The following SMARCA5 variants were observed in gnomAD, a reference collection of about 807,000 sequenced individuals.
The protein encoded by SMARCA5 is SNF2 related chromatin remodeling ATPase 5.
Under a neutral mutation model 140.4 loss-of-function variants are expected in SMARCA5, and 18 were observed. The ratio of observed to expected loss-of-function variants is 0.13; its 90% CI spans 0.09 to 0.19. The LOEUF is 0.19. Among genes scored for constraint, SMARCA5 ranks in the 10% least tolerant of loss-of-function variants. SMARCA5 has a pLI of 1.00. For missense variants in SMARCA5, 606 were observed against 1,276.8 expected, an observed-to-expected ratio of 0.47 and a Z score of 8.01; for synonymous variants, 449 against 419.6, an observed-to-expected ratio of 1.07 and a Z score of -0.86.
At chr4:143,521,681 C>T (rs899561773) in intron 3 of SMARCA5, 86 bp downstream of exon 3, 12 of 1,193,308 alleles carry the variant, frequency 1.0e-5, no homozygotes, top group African/African-American at 1.6e-5. Context: ...TGATAAATAA[C>T]TTAAAATTAT....
At chr4:143,523,799 A>C (rs1269763024) in intron 3 of SMARCA5, among the ~76,000 whole-genome samples, 1 of 152,250 alleles carries the variant, frequency 6.6e-6, no homozygotes, top group Non-Finnish European at 1.5e-5. Flanking sequence ...AGTAAGTATT[A>C]ATAGTTTTAC....
Position 143,513,815 on chromosome 4 carries a change from T to G in SMARCA5, c.-110T>G. The G allele has an allele frequency of 1.6e-6, 2 of 1,274,514 alleles. No individual in the cohort carries two copies. Among genetic ancestry groups the G allele is most frequent in the Non-Finnish European group, 2.1e-6 (2 of 940,554 alleles). 79.0% of individuals were successfully genotyped at this position (1,274,514 alleles called of 1,614,324 possible). A position where few individuals can be genotyped will look rare whatever the true frequency, so the allele number is the denominator to read the frequency against. The stretch of plus-strand genomic sequence containing the variant: ...GCGCAGGGGAGCGCTCGGGTGGGAG[T>G]CTCGCTCCTCCACCAGTTTATTGCG... On this transcript the variant is annotated 5_prime_UTR_variant, in exon 1 of 24. Coordinates refer to ENST00000283131, the MANE Select transcript of SMARCA5 (RefSeq NM_003601.4).
At chr4:143,529,025 C>T (rs1737129370) in intron 8 of SMARCA5, among the ~76,000 whole-genome samples, 1 of 152,126 alleles carries the variant, frequency 6.6e-6, no homozygotes, top group African/African-American at 2.4e-5. Flanking sequence ...GCCTCCACCT[C>T]CGGAATTCAG....
chr4:143,544,097 T>C (rs1036871602), intron 16 of SMARCA5, 125 bp downstream of exon 16: 6 of 551,536 alleles, frequency 1.1e-5, no homozygotes, highest in Non-Finnish European at 1.8e-5. Flanking sequence ...TATTCACATC[T>C]GAATATTTTC....
In SMARCA5 at chr4:143,545,365, G is replaced by C. The variant is rs1378108551; in HGVS notation, c.2284-105G>C. 3.0e-5 allele frequency: 21 copies of C among 710,614 alleles called. No homozygotes were observed. In the East Asian group the frequency reaches 5.2e-4, roughly 18 times the overall value. The allele number at this position is 710,614 out of a possible 1,614,324, so 44.0% of individuals were successfully genotyped here. A position where few individuals can be genotyped will look rare whatever the true frequency, so the allele number is the denominator to read the frequency against. On this transcript the variant is annotated intron_variant, in intron 17 of 23. Transcript: ENST00000283131. The stretch of plus-strand genomic sequence containing the variant: ...TCAGTTTTATTGAAAGATGCATTCA[G>C]TTGCTTGCAGAATTGGCTGTTGTGG...
intron 13 of SMARCA5, 109 bp from the exon 14 acceptor site, chr4:143,540,253 TA>T: frequency 1.2e-6 from 1 of 823,128 alleles, no homozygotes; most frequent in Non-Finnish European, 1.8e-6. Context: ...TACAAATTTT[TA>T]AAAGTTTTAT....
intron 11 of SMARCA5, 119 bp downstream of exon 11, chr4:143,536,797 T>TA (rs1473351923): frequency 1.4e-6 from 1 of 695,430 alleles, no homozygotes; most frequent in South Asian, 1.8e-5. Flanking sequence ...TGTAGAACAT[T>TA]AAAAAAACCT....
rs753957395 is a variant in SMARCA5, at chr4:143,514,196, C to T, written c.177+95C>T. 893 of 1,177,622 alleles carry T rather than the reference C, an allele frequency of 7.6e-4. 2 individuals are homozygous for T. The highest frequency in any genetic ancestry group is 9.6e-4 in the Non-Finnish European group (831 of 864,282). 72.9% of individuals were successfully genotyped at this position (1,177,622 alleles called of 1,614,324 possible). ...GGCGATCGGACGCAGAGCCGGGTTT[C>T]TCTCTCTGCACCAGACTCAGCTTCA... On this transcript the variant is annotated intron_variant, in intron 1 of 23. Coordinates refer to ENST00000283131, the MANE Select transcript of SMARCA5 (RefSeq NM_003601.4).
rs1473713013 is a variant in SMARCA5 at position 143,553,941 on chromosome 4, A to G, written c.*757A>G. ...ATTTTGTCATATGACCTTCTGAAGC[A>G]GCCACAACTTAGATAATGTCAGAAC... is the stretch of plus-strand genomic sequence containing the variant. On this transcript the variant is annotated 3_prime_UTR_variant, in exon 24 of 24. Transcript: ENST00000283131. 6.6e-6 allele frequency: 1 copy of G among 151,134 alleles called. No individual in the cohort carries two copies. The highest frequency in any genetic ancestry group is 2.4e-5 in the African/African-American group (1 of 41,204). The allele number at this position is 151,134 out of a possible 1,614,324, so 9.4% of individuals were successfully genotyped here.
At chr4:143,522,674 A>G (rs1216085231) in intron 3 of SMARCA5, among the ~76,000 whole-genome samples, 2 of 152,174 alleles carry the variant, frequency 1.3e-5, no homozygotes, top group Admixed American at 1.3e-4. Context: ...GCTGTATTTA[A>G]AATATTTCAG....
intron 1 of SMARCA5, among the ~76,000 whole-genome samples, chr4:143,516,627 G>A (rs79493265): frequency 1.6e-3 from 245 of 152,150 alleles, no homozygotes; most frequent in African/African-American, 5.6e-3. Context: ...TTCCAGTACC[G>A]TACCAGATCT....
At chr4:143,529,551 A>G (rs1737141343) in intron 8 of SMARCA5, among the ~76,000 whole-genome samples, 1 of 152,198 alleles carries the variant, frequency 6.6e-6, no homozygotes, top group Admixed American at 6.5e-5. Flanking sequence ...TAGCTATTTG[A>G]ACTGTTAATA....
intron 2 of SMARCA5, among the ~76,000 whole-genome samples, chr4:143,518,357 T>C (rs1185172619): frequency 6.6e-6 from 1 of 152,152 alleles, no homozygotes; most frequent in African/African-American, 2.4e-5. Context: ...AGGAATGCTT[T>C]ATATGGATTA....
chr4:143,531,726 A>G (rs1451445055), intron 9 of SMARCA5, among the ~76,000 whole-genome samples: 1 of 152,126 alleles, frequency 6.6e-6, no homozygotes, highest in Non-Finnish European at 1.5e-5. Context: ...TCATATATTG[A>G]GCTTTAATTT....
chr4:143,544,926 TGATA>T (rs1357456565), intron 17 of SMARCA5, 79 bp downstream of exon 17: 1 of 696,048 alleles, frequency 1.4e-6, no homozygotes, highest in East Asian at 2.7e-5. Flanking sequence ...GCAAAAAGAT[TGATA>T]ATTAGATTTT....
rs374402043 is a variant in SMARCA5, at chr4:143,522,633, C to T, written c.419+1038C>T. Among the ~76,000 whole-genome samples, 43 of 152,116 alleles carry T rather than the reference C, an allele frequency of 2.8e-4. No individual in the cohort carries two copies. In the East Asian group the frequency reaches 4.8e-3, roughly 17 times the overall value. On this transcript the variant is annotated intron_variant, in intron 3 of 23. Coordinates refer to ENST00000283131, the MANE Select transcript of SMARCA5 (RefSeq NM_003601.4). Reference sequence around the variant, plus strand: ...GACCAAAGCACTATTTTAATACTTACGAAACTTTGAAGGGACAATTTTGCC... The same window carrying T: ...GACCAAAGCACTATTTTAATACTTATGAAACTTTGAAGGGACAATTTTGCC...
chr4:143,520,941 G>T (rs1173372316), intron 2 of SMARCA5, among the ~76,000 whole-genome samples: 1 of 152,046 alleles, frequency 6.6e-6, no homozygotes, highest in Non-Finnish European at 1.5e-5. Flanking sequence ...TAATGAATGA[G>T]CACTGCATTT....
At chr4:143,522,408 C>T (rs937878938) in intron 3 of SMARCA5, among the ~76,000 whole-genome samples, 14 of 151,924 alleles carry the variant, frequency 9.2e-5, no homozygotes, top group African/African-American at 3.4e-4. Flanking sequence ...TTGTGTAATT[C>T]CCAAAGTGAA....
intron 11 of SMARCA5, among the ~76,000 whole-genome samples, chr4:143,538,035 T>G (rs1737350550): frequency 1.3e-5 from 2 of 152,166 alleles, no homozygotes; most frequent in Non-Finnish European, 2.9e-5. Flanking sequence ...CTTTTCAAAA[T>G]GATCCTTTGT....
Sources: allele counts gnomAD v4.1 joint callset (sites outside exome capture counted in the v4.1 genomes callset), GRCh38; gene constraint gnomAD v4.1.1; transcripts MANE v1.5; gene names NCBI Gene and HGNC (gene_info 2026-07-23, HGNC 2026-07-21).